CNTN5: variants seen among roughly 807,000 people sequenced by gnomAD.
CNTN5 encodes contactin-5.
CNTN5 carries 77 observed loss-of-function variants against 129.1 expected under a neutral mutation model. The observed-to-expected ratio is 0.60, with a 90% CI of 0.50 to 0.72. The LOEUF is 0.72. Ranked by LOEUF, CNTN5 falls within the 30% of genes least tolerant of loss-of-function variation. The pLI is 0.00. For synonymous variants in CNTN5, 509 were observed against 465.6 expected (o/e 1.09, Z -1.20); for missense variants, 1,478 against 1,328.8 (o/e 1.11, Z -1.75).
chr11:99,261,162 G>A (rs963661834), intron 1 of CNTN5, among the ~76,000 whole-genome samples: 4 of 151,762 alleles, frequency 2.6e-5, no homozygotes, highest in African/African-American at 7.2e-5. Context: ...AACCAGTAAT[G>A]TAAAACTAAT....
intron 13 of CNTN5, among the ~76,000 whole-genome samples, chr11:100,084,439 G>A (rs1395190479): frequency 6.6e-6 from 1 of 152,120 alleles, no homozygotes; most frequent in Non-Finnish European, 1.5e-5. Context: ...AGCATCCTCT[G>A]AGAATTACAT....
chr11:99,709,292 A>T (rs371089426), intron 3 of CNTN5, among the ~76,000 whole-genome samples: 1 of 151,876 alleles, frequency 6.6e-6, no homozygotes, highest in Non-Finnish European at 1.5e-5. Context: ...ATATTAATCA[A>T]CATCTACTGT....
intron 4 of CNTN5, among the ~76,000 whole-genome samples, chr11:99,834,095 A>G (rs1947229280): frequency 6.6e-6 from 1 of 152,148 alleles, no homozygotes; most frequent in Non-Finnish European, 1.5e-5. Context: ...TTTTAAATAT[A>G]GTGGATATTT....
At chr11:99,347,862 C>T (rs1938009229) in intron 2 of CNTN5, among the ~76,000 whole-genome samples, 1 of 152,158 alleles carries the variant, frequency 6.6e-6, no homozygotes, top group South Asian at 2.1e-4. Flanking sequence ...AAAGGCACTA[C>T]TCTGCTATTG....
chr11:99,070,073 C>T (rs558689890), intron 1 of CNTN5, among the ~76,000 whole-genome samples: 5 of 152,182 alleles, frequency 3.3e-5, no homozygotes, highest in South Asian at 2.1e-4. Context: ...GGCTTCCTGA[C>T]GACCACTTAG....
chr11:99,898,058 C>G (rs1042594448), intron 6 of CNTN5, among the ~76,000 whole-genome samples: 3 of 152,028 alleles, frequency 2.0e-5, no homozygotes, highest in Admixed American at 6.6e-5. Flanking sequence ...ACAAAACCTC[C>G]TGAATACAGT....
At chr11:100,197,068 G>C (rs1460236814) in intron 15 of CNTN5, among the ~76,000 whole-genome samples, 1 of 151,908 alleles carries the variant, frequency 6.6e-6, no homozygotes, top group Non-Finnish European at 1.5e-5. Context: ...ATTTGAAATG[G>C]ACCTGGCCTC....
chr11:100,135,280 A>G (rs1037766513), intron 13 of CNTN5, among the ~76,000 whole-genome samples: 1 of 151,430 alleles, frequency 6.6e-6, no homozygotes, highest in African/African-American at 2.4e-5. Context: ...GGTTCAAGCA[A>G]TCCTCCTGCC....
chr11:99,927,980 G>A (rs1386720155), intron 7 of CNTN5, among the ~76,000 whole-genome samples: 2 of 152,154 alleles, frequency 1.3e-5, no homozygotes, highest in African/African-American at 2.4e-5. Flanking sequence ...TACTATGGGG[G>A]TACAGGCATT....
At chr11:100,150,535 A>ATT (rs1947019587) in intron 13 of CNTN5, among the ~76,000 whole-genome samples, 1 of 142,776 alleles carries the variant, frequency 7.0e-6, no homozygotes, top group African/African-American at 2.5e-5. Flanking sequence ...TTAATCTATA[A>ATT]ATATTTCAAA....
At chr11:100,280,075 T>C (rs1405773821) in intron 18 of CNTN5, among the ~76,000 whole-genome samples, 2 of 151,838 alleles carry the variant, frequency 1.3e-5, no homozygotes, top group Non-Finnish European at 2.9e-5. Context: ...CCATGGGTCA[T>C]TCAGGAGCAT....
intron 2 of CNTN5, among the ~76,000 whole-genome samples, chr11:99,406,831 C>T (rs1565556220): frequency 6.6e-6 from 1 of 152,184 alleles, no homozygotes; most frequent in Admixed American, 6.5e-5. Flanking sequence ...ACTGTGACCA[C>T]TGCCACATCA....
In CNTN5 at chr11:99,889,319, TGTGTGTGTGTGTG is replaced by T. The variant is rs1565642623; in HGVS notation, c.578-26734_578-26722del. Among the ~76,000 whole-genome samples, 443 of 145,386 alleles carry T rather than the reference TGTGTGTGTGTGTG, an allele frequency of 3.0e-3. 10 individuals carry two copies. Among genetic ancestry groups the T allele is most frequent in the African/African-American group, 0.011 (420 of 39,228 alleles). On this transcript the variant is annotated intron_variant, in intron 6 of 24. Coordinates refer to ENST00000524871, the MANE Select transcript of CNTN5 (RefSeq NM_014361.4). ...GTGTGTGTGTGTGTGTGTGTGTGTGTGTGTGTGTGTGTGTGTGTGTGTGTGTGTGTGTGTGTGT... is the reference window on the plus strand; with the variant it reads ...GTGTGTGTGTGTGTGTGTGTGTGTGTTGTGTGTGTGTGTGTGTGTGTGTGT...
chr11:99,795,886 A>G (rs1391366953), intron 3 of CNTN5, among the ~76,000 whole-genome samples: 1 of 150,502 alleles, frequency 6.6e-6, no homozygotes, highest in Non-Finnish European at 1.5e-5. Context: ...ACCACCGATC[A>G]CAACACTCTG....
chr11:100,039,108 G>A (rs377561888), intron 9 of CNTN5, among the ~76,000 whole-genome samples: 101 of 152,234 alleles, frequency 6.6e-4, no homozygotes, highest in African/African-American at 2.1e-3. Flanking sequence ...GGCTGGTTCC[G>A]GTTGTTCCTT....
chr11:99,356,378 T>C (rs1938671599), intron 2 of CNTN5, among the ~76,000 whole-genome samples: 1 of 152,226 alleles, frequency 6.6e-6, no homozygotes, highest in African/African-American at 2.4e-5. Context: ...AGGAAAAGCA[T>C]AATTTCTGCT....
chr11:99,742,293 G>T (rs993643354), intron 3 of CNTN5, among the ~76,000 whole-genome samples: 1 of 152,124 alleles, frequency 6.6e-6, no homozygotes, highest in Non-Finnish European at 1.5e-5. Flanking sequence ...TTATCATGTA[G>T]AAAGATTGGC....
intron 2 of CNTN5, among the ~76,000 whole-genome samples, chr11:99,504,547 A>AAG (rs1320929232): frequency 2.2e-4 from 33 of 149,580 alleles, no homozygotes; most frequent in African/African-American, 8.1e-4. Context: ...AAAAAAAAAA[A>AAG]GAAAGAAAAG....
intron 2 of CNTN5, among the ~76,000 whole-genome samples, chr11:99,454,992 A>G (rs1944445073): frequency 6.6e-6 from 1 of 152,120 alleles, no homozygotes; most frequent in Admixed American, 6.6e-5. Flanking sequence ...TTGGAAAGAA[A>G]ATGCACTGCA....
Sources: allele counts gnomAD v4.1 joint callset (sites outside exome capture counted in the v4.1 genomes callset), GRCh38; gene constraint gnomAD v4.1.1; transcripts MANE v1.5; gene names NCBI Gene and HGNC (gene_info 2026-07-23, HGNC 2026-07-21).